The following PAN3 variants were observed in gnomAD, a reference collection of about 807,000 sequenced individuals.
PAN3 encodes the protein poly(A) specific ribonuclease subunit PAN3, also known as PAN2-PAN3 deadenylation complex subunit PAN3.
PAN3 carries 19 observed loss-of-function variants against 96.2 expected under a neutral mutation model. The ratio of observed to expected loss-of-function variants is 0.20; its 90% CI spans 0.14 to 0.29. The LOEUF (loss-of-function observed/expected upper bound fraction) is 0.29. PAN3 is among the 10% of genes least tolerant of loss of function. The pLI is 1.00. For synonymous variants in PAN3, 433 were observed against 406.6 expected (o/e 1.06, Z -0.78); for missense variants, 882 against 1,108.1 (o/e 0.80, Z 2.90).
chr13:28,280,892 C>T (rs1887423207), intron 16 of PAN3, among the ~76,000 whole-genome samples: 1 of 152,188 alleles, frequency 6.6e-6, no homozygotes, highest in Non-Finnish European at 1.5e-5. Flanking sequence ...AATGTACACA[C>T]AACTTGCATC....
At chr13:28,144,202 AGTTTTTTT>A (rs1870250911) in intron 1 of PAN3, among the ~76,000 whole-genome samples, 3 of 143,396 alleles carry the variant, frequency 2.1e-5, no homozygotes, top group Non-Finnish European at 4.5e-5. Context: ...GGTTTCGATA[AGTTTTTTT>A]GTTTTTTTTT....
chr13:28,227,011 G>C (rs746048029), intron 6 of PAN3, among the ~76,000 whole-genome samples: 2 of 152,170 alleles, frequency 1.3e-5, no homozygotes, highest in Non-Finnish European at 2.9e-5. Context: ...CCTTTTAATT[G>C]CCCTGTAATG....
rs1298150363 is a variant in PAN3 at position 28,239,317 on chromosome 13, T to A, written c.1001-16975T>A. Among the ~76,000 whole-genome samples the A allele has an allele frequency of 2.0e-5, 3 of 152,256 alleles. No homozygotes were observed. In the East Asian group the frequency reaches 5.8e-4, roughly 29 times the overall value. On this transcript the variant is annotated intron_variant, in intron 6 of 18. Transcript: ENST00000380958. ...CCATTTATGTTCCCTTCATATTTTT[T>A]CCCAGTGAGAAACCATATGGTTTGT...
intron 1 of PAN3, among the ~76,000 whole-genome samples, chr13:28,144,504 T>G (rs745359402): frequency 2.6e-5 from 4 of 151,484 alleles, no homozygotes; most frequent in Non-Finnish European, 5.9e-5. Context: ...CGTGAGCCAC[T>G]GGGCCCGGCC....
chr13:28,173,341 T>A (rs1874546423), intron 1 of PAN3, among the ~76,000 whole-genome samples: 1 of 152,236 alleles, frequency 6.6e-6, no homozygotes, highest in Non-Finnish European at 1.5e-5. Context: ...ACTTTTTATA[T>A]GTAAATATTT....
intron 4 of PAN3, among the ~76,000 whole-genome samples, chr13:28,181,249 C>T (rs1014289158): frequency 6.6e-6 from 1 of 152,082 alleles, no homozygotes; most frequent in Admixed American, 6.6e-5. Flanking sequence ...TGGCTCATGC[C>T]TGTAATCCCA....
intron 5 of PAN3, among the ~76,000 whole-genome samples, chr13:28,200,133 C>G (rs1385591753): frequency 2.6e-5 from 4 of 152,158 alleles, no homozygotes; most frequent in Non-Finnish European, 4.4e-5. Context: ...CTCTTTACTT[C>G]TATGTGCTGT....
intron 1 of PAN3, among the ~76,000 whole-genome samples, chr13:28,173,792 C>T (rs1874604378): frequency 6.6e-6 from 1 of 152,212 alleles, no homozygotes; most frequent in African/African-American, 2.4e-5. Context: ...ATCAGTATTC[C>T]TGAATGCCAT....
intron 4 of PAN3, among the ~76,000 whole-genome samples, chr13:28,194,558 C>T (rs1877775555): frequency 1.3e-5 from 2 of 148,922 alleles, no homozygotes; most frequent in African/African-American, 5.0e-5. Context: ...GCAACCTCTG[C>T]CTCCCAGGTT....
intron 4 of PAN3, among the ~76,000 whole-genome samples, chr13:28,186,784 C>T (rs896216019): frequency 1.3e-5 from 2 of 151,558 alleles, no homozygotes; most frequent in African/African-American, 4.9e-5. Flanking sequence ...TGTGATCGGG[C>T]CACTGTGTTC....
At chr13:28,238,508 A>G (rs943000455) in intron 6 of PAN3, among the ~76,000 whole-genome samples, 24 of 152,202 alleles carry the variant, frequency 1.6e-4, no homozygotes, top group Non-Finnish European at 2.8e-4. Flanking sequence ...CACAAGTCTG[A>G]GCTCTTAGGC....
At chr13:28,245,713 A>G (rs536286009) in intron 6 of PAN3, among the ~76,000 whole-genome samples, 4 of 151,580 alleles carry the variant, frequency 2.6e-5, no homozygotes, top group African/African-American at 7.3e-5. Flanking sequence ...CCACTAATCT[A>G]TTTTCTGACT....
intron 6 of PAN3, among the ~76,000 whole-genome samples, chr13:28,248,936 A>G (rs948289030): frequency 6.6e-6 from 1 of 152,138 alleles, no homozygotes; most frequent in African/African-American, 2.4e-5. Flanking sequence ...ATATTGGCAA[A>G]TATTTTTTTC....
At chr13:28,142,743 CAA>C (rs1870037153) in intron 1 of PAN3, among the ~76,000 whole-genome samples, 1 of 152,008 alleles carries the variant, frequency 6.6e-6, no homozygotes, top group Non-Finnish European at 1.5e-5. Flanking sequence ...ACAAAAGAAA[CAA>C]AAGATTTAAT....
chr13:28,214,975 A>C, intron 5 of PAN3: 1 of 1,371,538 alleles, frequency 7.3e-7, no homozygotes, highest in African/African-American at 1.4e-5. Context: ...GGTGTTAACA[A>C]AATGGATTCC....
rs868486729 is a variant in PAN3 at position 28,204,550 on chromosome 13, A to G, written c.852+7204A>G. Among the ~76,000 whole-genome samples, 21 of 152,358 alleles carry G rather than the reference A, an allele frequency of 1.4e-4. 1 individual carries two copies. The South Asian group carries it at 2.3e-3, about 17-fold the overall frequency. On this transcript the variant is annotated intron_variant, in intron 5 of 18. Transcript: ENST00000380958. ...TGCAGTTATATTCATATGTGCTTAA[A>G]TCATGATATGTGTATAATGGGGCAG... is the stretch of plus-strand genomic sequence containing the variant.
chr13:28,193,815 T>G (rs1259604085), intron 4 of PAN3, among the ~76,000 whole-genome samples: 2 of 151,356 alleles, frequency 1.3e-5, no homozygotes, highest in Non-Finnish European at 2.9e-5. Flanking sequence ...TTGTTTACTG[T>G]ACTACTACAT....
intron 15 of PAN3, 44 bp downstream of exon 15, chr13:28,277,420 G>A (rs763361688): frequency 9.0e-6 from 14 of 1,556,574 alleles, no homozygotes; most frequent in Admixed American, 2.1e-5. Flanking sequence ...GATTATTTGC[G>A]ATAAGACAGA....
intron 12 of PAN3, among the ~76,000 whole-genome samples, chr13:28,267,783 A>AC (rs1196201164): frequency 6.6e-6 from 1 of 152,110 alleles, no homozygotes; most frequent in East Asian, 1.9e-4. Flanking sequence ...GGGGGAAATT[A>AC]CCCCCATGAT....
Sources: gnomAD v4.1 joint callset for allele counts (sites outside exome capture counted in the v4.1 genomes callset) on GRCh38, gnomAD v4.1.1 for gene constraint, MANE v1.5 for transcripts, NCBI Gene and HGNC (gene_info 2026-07-23, HGNC 2026-07-21) for gene names.